The following ECHDC2 variants were observed in gnomAD, a reference collection of about 807,000 sequenced individuals.
The protein encoded by ECHDC2 is enoyl-CoA hydratase domain-containing protein 2, mitochondrial.
ECHDC2 carries 34 observed loss-of-function variants against 40.6 expected under a neutral mutation model. The ratio of observed to expected loss-of-function variants is 0.84; its 90% CI spans 0.64 to 1.11. The LOEUF is 1.11. ECHDC2 is among the 50% of genes most tolerant of loss of function. ECHDC2 has a pLI of 0.00. For synonymous variants in ECHDC2, 162 were observed against 166.6 expected (o/e 0.97, Z 0.21); for missense variants, 392 against 400.7 (o/e 0.98, Z 0.19).
At chr1:52,919,606 A>G (rs1255000650) in intron 1 of ECHDC2, among the ~76,000 whole-genome samples, 1 of 152,222 alleles carries the variant, frequency 6.6e-6, no homozygotes, top group Non-Finnish European at 1.5e-5. Flanking sequence ...TAAAGCCGCT[A>G]AGAACAGTGA....
chr1:52,902,821 A>G (rs1186091619), intron 7 of ECHDC2, among the ~76,000 whole-genome samples: 1 of 152,058 alleles, frequency 6.6e-6, no homozygotes, highest in East Asian at 1.9e-4. Flanking sequence ...TTCTAATACT[A>G]CAATCACTCT....
At chr1:52,898,859 G>A (rs1646804977) in intron 8 of ECHDC2, 2 of 444,180 alleles carry the variant, frequency 4.5e-6, no homozygotes, top group Admixed American at 7.2e-5. Context: ...CTTGCAGCAT[G>A]GACTGGCAGC....
chr1:52,920,203 G>C (rs1265804181), intron 1 of ECHDC2, among the ~76,000 whole-genome samples: 1 of 152,160 alleles, frequency 6.6e-6, no homozygotes, highest in African/African-American at 2.4e-5. Context: ...AATATTAACT[G>C]TTCAAGGAAA....
chr1:52,917,708 G>T (rs1651021951), intron 1 of ECHDC2: 1 of 452,444 alleles, frequency 2.2e-6, no homozygotes, highest in African/African-American at 2.0e-5. Context: ...AGACATATAA[G>T]TCCCATCAGA....
intron 9 of ECHDC2, chr1:52,896,883 G>A: frequency 2.5e-6 from 1 of 407,424 alleles, no homozygotes; most frequent in South Asian, 4.7e-5. Flanking sequence ...GGTCTGACAT[G>A]AGGCTGCTCA....
At chr1:52,898,985 AAAC>A (rs895368336) in intron 8 of ECHDC2, 186 bp downstream of exon 8, 2 of 676,884 alleles carry the variant, frequency 3.0e-6, no homozygotes, top group African/African-American at 1.8e-5. Flanking sequence ...GATAGAATGT[AAAC>A]AATAATACTG....
chr1:52,905,411 T>C (rs1647522213), intron 5 of ECHDC2: 2 of 400,418 alleles, frequency 5.0e-6, no homozygotes, highest in South Asian at 4.0e-5. Flanking sequence ...TCACACGAGG[T>C]ACGACGCTTG....
intron 4 of ECHDC2, chr1:52,906,939 G>GTT (rs1183211409): frequency 7.5e-4 from 97 of 130,170 alleles, no homozygotes; most frequent in African/African-American, 3.0e-3. Context: ...TAATTTTTTT[G>GTT]TATTTTTTTT....
intron 3 of ECHDC2, among the ~76,000 whole-genome samples, chr1:52,911,363 C>A (rs1649442549): frequency 6.6e-6 from 1 of 152,126 alleles, no homozygotes; most frequent in Non-Finnish European, 1.5e-5. Flanking sequence ...GTTAGAGAGG[C>A]CAAGTTCAAA....
At chr1:52,897,364 A>T in intron 9 of ECHDC2, 73 bp downstream of exon 9, 2 of 1,473,552 alleles carry the variant, frequency 1.4e-6, no homozygotes, top group South Asian at 1.1e-5. Flanking sequence ...AAAATTGGTC[A>T]TGTACCATAC....
intron 6 of ECHDC2, 35 bp from the exon 7 acceptor site, chr1:52,904,868 ATGGGAAG>A: frequency 6.2e-7 from 1 of 1,601,768 alleles, no homozygotes; most frequent in Non-Finnish European, 8.5e-7. Context: ...GGGAATCAGC[ATGGGAAG>A]TGGGAACCCA....
At chr1:52,905,293 C>T (rs997760179) in intron 5 of ECHDC2, 23 of 593,680 alleles carry the variant, frequency 3.9e-5, no homozygotes, top group Admixed American at 5.9e-5. Context: ...TTCACCATGC[C>T]CCTTTGATGG....
intron 6 of ECHDC2, 32 bp from the exon 7 acceptor site, chr1:52,904,865 A>G (rs1647344428): frequency 6.2e-7 from 1 of 1,602,124 alleles, no homozygotes; most frequent in African/African-American, 1.3e-5. Flanking sequence ...GGTGGGAATC[A>G]GCATGGGAAG....
chr1:52,915,842 G>A (rs566273852), intron 1 of ECHDC2, among the ~76,000 whole-genome samples: 1 of 152,296 alleles, frequency 6.6e-6, no homozygotes, highest in African/African-American at 2.4e-5. Flanking sequence ...TGTGACTTCT[G>A]TAATTCGGTT....
rs1439521278 is a variant in ECHDC2 at position 52,901,532 on chromosome 1, G to C, written c.703-2308C>G. 3 of 152,154 alleles carry C rather than the reference G, an allele frequency of 2.0e-5. No individual in the cohort carries two copies. The East Asian group carries it at 5.8e-4, about 29-fold the overall frequency. 9.4% of individuals were successfully genotyped at this position (152,154 alleles called of 1,614,324 possible). On this transcript the variant is annotated intron_variant, in intron 7 of 9. Transcript: ENST00000371522. Reference sequence around the variant, plus strand: ...TTTTTTTCTGGGCTGAGAAAACTCTGGAACCATTTGCTACCCTATCAGAGT... The same window carrying C: ...TTTTTTTCTGGGCTGAGAAAACTCTCGAACCATTTGCTACCCTATCAGAGT...
chr1:52,902,219 C>T (rs540599262), intron 7 of ECHDC2, among the ~76,000 whole-genome samples: 13 of 152,114 alleles, frequency 8.5e-5, no homozygotes, highest in Non-Finnish European at 1.6e-4. Context: ...TGCAGTGGTG[C>T]GATCTCGGCT....
chr1:52,908,807 A>G (rs963633454), intron 3 of ECHDC2, among the ~76,000 whole-genome samples: 7 of 151,792 alleles, frequency 4.6e-5, no homozygotes, highest in African/African-American at 1.5e-4. Flanking sequence ...GTTGGTGGGC[A>G]CCTGTAATCC....
At chr1:52,921,451 G>C (rs1572016929) in intron 1 of ECHDC2, 102 bp downstream of exon 1, 2 of 1,459,620 alleles carry the variant, frequency 1.4e-6, no homozygotes, top group East Asian at 5.2e-5. Context: ...AGGGACTGGG[G>C]ATCGAATCCT....
At position 52,904,767 on chromosome 1, in the gene ECHDC2, C is replaced by T. The variant is rs746124681; in HGVS notation, c.581G>A (p.Arg194Gln). The T allele has an allele frequency of 4.0e-5, 64 of 1,612,892 alleles. No homozygotes were observed. Among genetic ancestry groups the T allele is most frequent in the Non-Finnish European group, 4.7e-5 (55 of 1,179,916 alleles). ...ALAKELIFTG[R>Q]RLSGTEAHVL... is the part of the protein sequence containing the mutation. ...GTGGGCCTCAGTTCCACTCAGTCGT[C>T]GGCCCGTGAAGATGAGCTCCTTCGC... The change falls in exon 7 of 10, where the codon CGA becomes CAA. Residue 194 changes from arginine (R) to glutamine (Q), a missense_variant. By Grantham distance (43) the Arg-to-Gln change is conservative. Transcript: ENST00000371522.
Sources: gnomAD v4.1 joint callset for allele counts (sites outside exome capture counted in the v4.1 genomes callset) on GRCh38, gnomAD v4.1.1 for gene constraint, MANE v1.5 for transcripts, NCBI Gene and HGNC (gene_info 2026-07-23, HGNC 2026-07-21) for gene names.